The following DBN1 variants were observed in gnomAD, a reference collection of about 807,000 sequenced individuals.
The protein encoded by DBN1 is drebrin.
A neutral mutation model predicts 83.5 loss-of-function variants in DBN1; 21 were observed. That is an observed-to-expected ratio of 0.25 (90% CI 0.18 to 0.36). The LOEUF (loss-of-function observed/expected upper bound fraction) is 0.36. Among genes scored for constraint, DBN1 ranks in the 10% least tolerant of loss-of-function variants. The pLI, the probability that DBN1 is intolerant of heterozygous loss-of-function variation, is 1.00. For synonymous variants in DBN1, 381 were observed against 384.9 expected (o/e 0.99, Z 0.12); for missense variants, 874 against 935.7 (o/e 0.93, Z 0.86).
chr5:177,461,736 C>T (rs1361019819), intron 8 of DBN1, among the ~76,000 whole-genome samples: 1 of 152,138 alleles, frequency 6.6e-6, no homozygotes, highest in Non-Finnish European at 1.5e-5. Flanking sequence ...TGCTACCTGC[C>T]TTATTTGCTC....
intron 1 of DBN1, 112 bp downstream of exon 1, chr5:177,473,324 C>A: frequency 1.7e-6 from 1 of 573,698 alleles, no homozygotes; most frequent in South Asian, 4.1e-5. Flanking sequence ...CCCGCTGCAC[C>A]ATTTCGGGGT....
In DBN1 at chr5:177,466,627, T is replaced by A. The variant is rs1047275310; in HGVS notation, c.771+145A>T. 2.2e-6 allele frequency: 2 copies of A among 906,616 alleles called. No homozygotes were observed. The highest frequency in any genetic ancestry group is 3.3e-5 in the African/African-American group (2 of 60,380). The allele number at this position is 906,616 out of a possible 1,614,324, so 56.2% of individuals were successfully genotyped here. ...CCACGTGATGAGGTGCCAGGCCTCA[T>A]GCTCCATGGCACCCTGTGCCCATGC... On this transcript the variant is annotated intron_variant, in intron 8 of 14. Transcript: ENST00000393565. The surrounding 1 kb of genome is among the most constrained non-coding windows in gnomAD (Gnocchi z 4.8).
chr5:177,472,054 C>T, intron 1 of DBN1: 1 of 1,535,080 alleles, frequency 6.5e-7, no homozygotes, highest in East Asian at 2.4e-5. Flanking sequence ...CCCCCTGGGG[C>T]AGGGCTGGGA....
Position 177,467,224 on chromosome 5 carries a change from G to C in DBN1, c.555+31C>G. 2 of 1,613,198 alleles carry C rather than the reference G, an allele frequency of 1.2e-6. No individual in the cohort carries two copies. The highest frequency in any genetic ancestry group is 8.5e-7 in the Non-Finnish European group (1 of 1,179,200). On this transcript the variant is annotated intron_variant, in intron 6 of 14. Transcript: ENST00000393565. The surrounding 1 kb of genome is among the most constrained non-coding windows in gnomAD (Gnocchi z 9.1). ...TGCCCCATGGGGTCCATGAGGGGTG[G>C]CTCAGCCAGGCCGGGCTCAGGGTTC...
At chr5:177,457,551 G>T in intron 14 of DBN1, 48 bp from the exon 15 acceptor site, 1 of 1,581,462 alleles carries the variant, frequency 6.3e-7, no homozygotes, top group South Asian at 1.1e-5. Context: ...CAGACCGCTT[G>T]TGTCCCCAGC....
intron 12 of DBN1, 123 bp from the exon 13 acceptor site, chr5:177,458,830 ACCCAGTGAC>A: frequency 2.7e-6 from 3 of 1,127,428 alleles, no homozygotes; most frequent in South Asian, 1.7e-5. Context: ...CTGCCCCCTT[ACCCAGTGAC>A]CCCAGTGACT....
chr5:177,473,292 C>T, intron 1 of DBN1, 144 bp downstream of exon 1: 1 of 408,416 alleles, frequency 2.4e-6, no homozygotes, highest in Non-Finnish European at 4.1e-6. Context: ...CGCACAAAGG[C>T]AGCCCCTCCC....
At chr5:177,468,987 T>C in intron 1 of DBN1, 88 bp from the exon 2 acceptor site, 1 of 772,298 alleles carries the variant, frequency 1.3e-6, no homozygotes, top group Non-Finnish European at 1.9e-6. Flanking sequence ...GAGAGGGACA[T>C]GGAGTGGGTA....
chr5:177,464,175 C>T (rs1421056794), intron 8 of DBN1, among the ~76,000 whole-genome samples: 4 of 151,384 alleles, frequency 2.6e-5, no homozygotes, highest in Middle Eastern at 3.4e-3. Flanking sequence ...AGGCAGGGTG[C>T]GGTGGCTCAC....
In DBN1 at chr5:177,470,458, C is replaced by T. The variant is rs368893717; in HGVS notation, c.87-1559G>A. Among the ~76,000 whole-genome samples, 380 of 152,246 alleles carry T rather than the reference C, an allele frequency of 2.5e-3. 2 individuals are homozygous for T. Among genetic ancestry groups the T allele is most frequent in the African/African-American group, 8.8e-3 (365 of 41,534 alleles). On this transcript the variant is annotated intron_variant, in intron 1 of 14. Transcript: ENST00000393565. ...TCCTCAGCCCCTGGCTCCCCACCTC[C>T]GGCCACCTCTTCCTGCTCCAGCCGC... is the stretch of plus-strand genomic sequence containing the variant.
chr5:177,462,433 T>C (rs1757118661), intron 8 of DBN1: 1 of 984,670 alleles, frequency 1.0e-6, no homozygotes, highest in African/African-American at 1.7e-5. Flanking sequence ...AGAGGCTTGT[T>C]CAGGTCATTT....
At chr5:177,472,487 G>C in intron 1 of DBN1, 1 of 1,115,522 alleles carries the variant, frequency 9.0e-7, no homozygotes, top group South Asian at 2.0e-5. Flanking sequence ...ACCCTGGGCC[G>C]CCAGCCCCAG....
intron 8 of DBN1, among the ~76,000 whole-genome samples, chr5:177,462,053 G>C (rs576481655): frequency 6.6e-6 from 1 of 152,068 alleles, no homozygotes; most frequent in Non-Finnish European, 1.5e-5. Context: ...TAAGACAGGC[G>C]TGTGCCACCC....
At chr5:177,469,832 G>A (rs1167847371) in intron 1 of DBN1, among the ~76,000 whole-genome samples, 1 of 152,228 alleles carries the variant, frequency 6.6e-6, no homozygotes, top group Non-Finnish European at 1.5e-5. Context: ...GGCCTAGGAG[G>A]AAGGGCCTTG....
chr5:177,462,353 C>T (rs926478522), intron 8 of DBN1: 1 of 985,578 alleles, frequency 1.0e-6, no homozygotes, highest in African/African-American at 1.7e-5. Flanking sequence ...CTGCTCCCCA[C>T]CCGGGGGCCA....
intron 8 of DBN1, among the ~76,000 whole-genome samples, chr5:177,465,389 G>A (rs542376140): frequency 6.6e-6 from 1 of 152,364 alleles, no homozygotes; most frequent in South Asian, 2.1e-4. Context: ...CAACTTCATA[G>A]AGACAGAAAG....
chr5:177,462,373 G>C, intron 8 of DBN1: 1 of 985,552 alleles, frequency 1.0e-6, no homozygotes. Context: ...AGGCCCTCTG[G>C]TTTCCAGCTG....
In DBN1 at chr5:177,458,458, G is replaced by C. The variant is rs1372547941; in HGVS notation, c.1514C>G (p.Thr505Ser). The C allele has an allele frequency of 1.2e-6, 2 of 1,614,126 alleles. No homozygotes were observed. Among genetic ancestry groups the C allele is most frequent in the Admixed American group, 3.3e-5 (2 of 60,016 alleles). Reference protein sequence around the residue: ...AADTIETDTATADTTVANNVP... With the variant: ...AADTIETDTASADTTVANNVP... ...GTTGTTGGCAACAGTGGTGTCAGCA[G>C]TGGCAGTGTCAGTTTCAATGGTGTC... Residue 505 changes from threonine (T) to serine (S), a missense_variant, in exon 13 of 15, where the codon ACT (threonine) becomes AGT (serine). This residue lies in a region of DBN1 where 725 missense variants were observed against 719.7 expected (regional missense o/e 1.01). Coordinates refer to ENST00000393565, the MANE Select transcript of DBN1 (RefSeq NM_001363541.2).
At chr5:177,460,321 G>T in intron 10 of DBN1, 111 bp downstream of exon 10, 1 of 1,506,172 alleles carries the variant, frequency 6.6e-7, no homozygotes, top group South Asian at 1.2e-5. Context: ...GAAGGGTCTC[G>T]CCTTCTCCAA....
Sources: allele counts gnomAD v4.1 joint callset (sites outside exome capture counted in the v4.1 genomes callset), GRCh38; gene constraint gnomAD v4.1.1; regional missense constraint gnomAD v4.1.1; non-coding constraint Gnocchi (gnomAD v3.1); transcripts MANE v1.5; gene names NCBI Gene and HGNC (gene_info 2026-07-23, HGNC 2026-07-21).